ZNF639: variants seen among roughly 807,000 people sequenced by gnomAD.
ZNF639 encodes the protein zinc finger protein 639.
ZNF639 carries 20 observed loss-of-function variants against 39.8 expected under a neutral mutation model. The ratio of observed to expected loss-of-function variants is 0.50; its 90% CI spans 0.35 to 0.73. The LOEUF (loss-of-function observed/expected upper bound fraction) is 0.73, where lower values mean the gene tolerates loss of function less well. Among genes scored for constraint, ZNF639 ranks in the 30% least tolerant of loss-of-function variants. The pLI, the probability that ZNF639 is intolerant of heterozygous loss-of-function variation, is 0.00. For missense variants in ZNF639, 477 were observed against 566.2 expected (o/e 0.84, Z 1.60); for synonymous variants, 176 against 189.8 (o/e 0.93, Z 0.60).
intron 3 of ZNF639, 47 bp from the exon 4 acceptor site, chr3:179,329,571 A>T (rs759190790): frequency 9.3e-7 from 1 of 1,071,992 alleles, no homozygotes; most frequent in Non-Finnish European, 1.4e-6. Flanking sequence ...TTTCTCATTA[A>T]ATATGTATGT....
chr3:179,329,904 C>T (rs9810088), intron 4 of ZNF639, 176 bp downstream of exon 4: 218,222 of 310,076 alleles, frequency 0.7, 77,072 homozygotes, highest in Admixed American at 0.79. Flanking sequence ...GTAATTTTAA[C>T]TATTCTTTTT....
rs779166907 is a variant in ZNF639 at position 179,329,737 on chromosome 3, A to G, written c.169+9A>G. The G allele has an allele frequency of 4.1e-6, 6 of 1,468,132 alleles. 1 individual carries two copies. In the African/African-American group the frequency reaches 4.2e-5, roughly 10 times the overall value. The allele number at this position is 1,468,132 out of a possible 1,614,324, so 90.9% of individuals were successfully genotyped here. A position where few individuals can be genotyped will look rare whatever the true frequency, so the allele number is the denominator to read the frequency against. ...ATATTTTGACAACAAAGGTATATCTAATATTTTCGAAAATATGTTTCTTTA... is the reference window on the plus strand; with the variant it reads ...ATATTTTGACAACAAAGGTATATCTGATATTTTCGAAAATATGTTTCTTTA... On this transcript the variant is annotated intron_variant, in intron 4 of 5. Coordinates refer to ENST00000496856, the MANE Select transcript of ZNF639 (RefSeq NM_001303426.2).
At position 179,336,472 on chromosome 3, in the gene ZNF639, G is replaced by A. The variant is rs1011831150; in HGVS notation, c.*2050G>A. ...TTATTTTTATCCCCACTATTTTGTT[G>A]TATGTGCATACCTGTGTTCCTAGCA... On this transcript the variant is annotated 3_prime_UTR_variant, in exon 6 of 6. Transcript: ENST00000496856. 1 of 152,190 alleles carries A rather than the reference G, an allele frequency of 6.6e-6. No homozygotes were observed. Among genetic ancestry groups the A allele is most frequent in the Admixed American group, 6.5e-5 (1 of 15,278 alleles). 9.4% of individuals were successfully genotyped at this position (152,190 alleles called of 1,614,324 possible). A position where few individuals can be genotyped will look rare whatever the true frequency, so the allele number is the denominator to read the frequency against.
chr3:179,334,093 C>T lies in ZNF639; in HGVS notation c.1129C>T (p.Gln377Ter). 6.2e-7 allele frequency: 1 copy of T among 1,613,716 alleles called. No individual in the cohort carries two copies. Among genetic ancestry groups the T allele is most frequent in the Non-Finnish European group, 8.5e-7 (1 of 1,179,822 alleles). The change falls in exon 6 of 6, where the codon CAA becomes TAA. Residue 377 changes from glutamine to a stop codon, truncating the protein, a stop_gained. Coordinates refer to ENST00000496856, the MANE Select transcript of ZNF639 (RefSeq NM_001303426.2). LOFTEE classifies it high-confidence loss of function. ...CAAATGTAAAAACTTCTTTGTATGT[C>T]AAGTATGTGGTTTTCGGAGTAGACT... Reference protein sequence around the residue: ...FDKCKNFFVCQVCGFRSRLHT... With the variant: ...FDKCKNFFVC
Position 179,323,194 on chromosome 3 carries a change from G to A in ZNF639, c.-180G>A, listed in dbSNP as rs1489330915. 3 of 984,882 alleles carry A rather than the reference G, an allele frequency of 3.0e-6. No individual in the cohort carries two copies. The allele number at this position is 984,882 out of a possible 1,614,324, so 61.0% of individuals were successfully genotyped here. On this transcript the variant is annotated 5_prime_UTR_variant, in exon 1 of 6. It adds an upstream start codon to the 5' untranslated region. Coordinates refer to ENST00000496856, the MANE Select transcript of ZNF639 (RefSeq NM_001303426.2). ...GGCCGGAGCAGCGCTGCCCGCCGCCGTGCGTCCGCGGGAAGGACCGCGCGG... is the reference window on the plus strand; with the variant it reads ...GGCCGGAGCAGCGCTGCCCGCCGCCATGCGTCCGCGGGAAGGACCGCGCGG...
intron 4 of ZNF639, 87 bp from the exon 5 acceptor site, chr3:179,332,902 A>C: frequency 7.0e-7 from 1 of 1,435,688 alleles, no homozygotes. Flanking sequence ...TGGAATTCAA[A>C]ATCATATTTA....
intron 3 of ZNF639, 65 bp downstream of exon 3, chr3:179,328,416 T>C: frequency 8.5e-7 from 1 of 1,182,006 alleles, no homozygotes; most frequent in East Asian, 2.4e-5. Flanking sequence ...TTCTCATCCA[T>C]TTTCTCCTAA....
rs1403564271 is a variant in ZNF639 at position 179,333,333 on chromosome 3, A to C, written c.369A>C (p.Gln123His). ...ACTCACCTGAATCAGTCAACCAGCA[A>C]ACCCAAGAGGAGAGTCCTATAGAAG... is the stretch of plus-strand genomic sequence containing the variant. ...ECDSPESVNQ[Q>H]TQEESPIEVH... The change falls in exon 6 of 6, where the codon CAA becomes CAC. Residue 123 changes from glutamine to histidine, a missense_variant. By Grantham distance (24) the Gln-to-His change is conservative. Coordinates refer to ENST00000496856, the MANE Select transcript of ZNF639 (RefSeq NM_001303426.2). 1.2e-6 allele frequency: 2 copies of C among 1,613,688 alleles called. No individual in the cohort carries two copies. Among genetic ancestry groups the C allele is most frequent in the South Asian group, 2.2e-5 (2 of 90,940 alleles).
intron 1 of ZNF639, among the ~76,000 whole-genome samples, chr3:179,324,188 A>C (rs532746305): frequency 6.6e-6 from 1 of 152,350 alleles, no homozygotes; most frequent in Non-Finnish European, 1.5e-5. Context: ...GTCTTACAGC[A>C]ATTAGGAAGA....
intron 1 of ZNF639, among the ~76,000 whole-genome samples, chr3:179,327,047 C>G (rs1024842624): frequency 6.6e-6 from 1 of 151,574 alleles, no homozygotes; most frequent in African/African-American, 2.4e-5. Context: ...AAAATTAGCC[C>G]GGTGTGGTGC....
chr3:179,322,879 G>A (rs1301610304), upstream of ZNF639: 4 of 985,204 alleles, frequency 4.1e-6, no homozygotes, highest in African/African-American at 5.2e-5. Context: ...CTGCGGCGGC[G>A]CAAGGCCTCC....
Position 179,333,770 on chromosome 3 carries a change from CAG to C in ZNF639, c.807_808del (p.Val270AsnfsTer3). The C allele has an allele frequency of 6.2e-7, 1 of 1,614,086 alleles. No homozygotes were observed. Among genetic ancestry groups the C allele is most frequent in the Non-Finnish European group, 8.5e-7 (1 of 1,180,026 alleles). On this transcript the variant is annotated frameshift_variant, in exon 6 of 6. Transcript: ENST00000496856. LOFTEE classifies it high-confidence loss of function. The stretch of plus-strand genomic sequence containing the variant: ...ATTTGTAAATACTGTGATTATAAGA[CAG>C]TAATTTTTGAGAACCTCAGCCAGCA...
chr3:179,331,213 A>G (rs534659367), intron 4 of ZNF639, among the ~76,000 whole-genome samples: 1 of 152,330 alleles, frequency 6.6e-6, no homozygotes, highest in East Asian at 1.9e-4. Context: ...ACTGAAAACT[A>G]TTTGGGGACA....
At position 179,323,056 on chromosome 3, in the gene ZNF639, G is replaced by A; in HGVS notation, c.-318G>A. ...GAGGTGCGCGGCGCAGGCGCGGAGC[G>A]TGGCGGCCAGGGCAGTGCGGCCGCG... On this transcript the variant is annotated 5_prime_UTR_variant, in exon 1 of 6. It adds an upstream start codon to the 5' untranslated region. Transcript: ENST00000496856. 1 of 985,072 alleles carries A rather than the reference G, an allele frequency of 1.0e-6. No homozygotes were observed. Among genetic ancestry groups the A allele is most frequent in the Non-Finnish European group, 1.2e-6 (1 of 830,028 alleles). The allele number at this position is 985,072 out of a possible 1,614,324, so 61.0% of individuals were successfully genotyped here.
At position 179,329,746 on chromosome 3, in the gene ZNF639, G is replaced by A. The variant is rs370992926; in HGVS notation, c.169+18G>A. The A allele has an allele frequency of 1.2e-4, 172 of 1,385,616 alleles. No individual in the cohort carries two copies. Among genetic ancestry groups the A allele is most frequent in the Middle Eastern group, 1.9e-4 (1 of 5,398 alleles). The allele number at this position is 1,385,616 out of a possible 1,614,324, so 85.8% of individuals were successfully genotyped here. A position where few individuals can be genotyped will look rare whatever the true frequency, so the allele number is the denominator to read the frequency against. ...CAACAAAGGTATATCTAATATTTTC[G>A]AAAATATGTTTCTTTAAACTGCTTT... On this transcript the variant is annotated intron_variant, in intron 4 of 5. Coordinates refer to ENST00000496856, the MANE Select transcript of ZNF639 (RefSeq NM_001303426.2).
Position 179,333,679 on chromosome 3 carries a change from A to C in ZNF639, c.715A>C (p.Lys239Gln), listed in dbSNP as rs1728050320. Residue 239 changes from lysine to glutamine, a missense_variant, in exon 6 of 6, where the codon AAG becomes CAG. Coordinates refer to ENST00000496856, the MANE Select transcript of ZNF639 (RefSeq NM_001303426.2). ...TGATTCAAATGTGTGTCGAGTATGC[A>C]AGGAAAGTTTCTCTACCAATATGCT... ...RTDSNVCRVC[K>Q]ESFSTNMLLI... is the part of the protein sequence containing the mutation. The C allele has an allele frequency of 1.2e-6, 2 of 1,614,158 alleles. No individual in the cohort carries two copies. Among genetic ancestry groups the C allele is most frequent in the Non-Finnish European group, 1.7e-6 (2 of 1,180,032 alleles).
intron 3 of ZNF639, 104 bp from the exon 4 acceptor site, chr3:179,329,514 A>T (rs1399178141): frequency 2.1e-5 from 14 of 657,502 alleles, no homozygotes; most frequent in Non-Finnish European, 3.8e-5. Context: ...CATTACAGAT[A>T]CTATAATTAA....
intron 3 of ZNF639, among the ~76,000 whole-genome samples, chr3:179,328,577 G>C (rs901947383): frequency 6.6e-6 from 1 of 151,942 alleles, no homozygotes; most frequent in East Asian, 1.9e-4. Context: ...CAGCTCTATG[G>C]GTTATAAATA....
intron 4 of ZNF639, among the ~76,000 whole-genome samples, chr3:179,332,456 C>G (rs1293323617): frequency 6.6e-6 from 1 of 152,100 alleles, no homozygotes; most frequent in Admixed American, 6.6e-5. Context: ...GACCCCATCT[C>G]AAAAAACAAG....
Sources: allele counts gnomAD v4.1 joint callset (sites outside exome capture counted in the v4.1 genomes callset), GRCh38; gene constraint gnomAD v4.1.1; transcripts MANE v1.5; gene names NCBI Gene and HGNC (gene_info 2026-07-23, HGNC 2026-07-21).